PCSK5: variants seen among roughly 807,000 people sequenced by gnomAD.
The protein encoded by PCSK5 is proprotein convertase subtilisin/kexin type 5, also known as prohormone convertase 5.
Under a neutral mutation model 233.2 loss-of-function variants are expected in PCSK5, and 129 were observed. That is an observed-to-expected ratio of 0.55 (90% CI 0.48 to 0.64). PCSK5 has a LOEUF of 0.64. Among genes scored for constraint, PCSK5 ranks in the 30% least tolerant of loss-of-function variants. PCSK5 has a pLI of 0.00. For missense variants in PCSK5, 2,076 were observed against 2,430.1 expected, an observed-to-expected ratio of 0.85 and a Z score of 3.06; for synonymous variants, 825 against 879.2, an observed-to-expected ratio of 0.94 and a Z score of 1.09.
At chr9:76,027,205 G>A (rs1299893149) in intron 5 of PCSK5, among the ~76,000 whole-genome samples, 168 bp downstream of exon 5, 1 of 152,080 alleles carries the variant, frequency 6.6e-6, no homozygotes, top group Admixed American at 6.6e-5. Context: ...GAAAAAAGGG[G>A]TGGTCCATAT....
intron 6 of PCSK5, 69 bp downstream of exon 6, chr9:76,068,112 A>G (rs150228355): frequency 9.2e-7 from 1 of 1,090,774 alleles, no homozygotes; most frequent in East Asian, 2.4e-5. Context: ...GGCTTTCAGA[A>G]TCCTTTTTAA....
chr9:76,135,238 A>G (rs1376668859), intron 10 of PCSK5, among the ~76,000 whole-genome samples: 2 of 152,080 alleles, frequency 1.3e-5, no homozygotes, highest in Non-Finnish European at 2.9e-5. Context: ...TATGATCTTT[A>G]TATATCCTTA....
At chr9:76,192,980 A>T (rs1422243338) in intron 20 of PCSK5, among the ~76,000 whole-genome samples, 2 of 84,872 alleles carry the variant, frequency 2.4e-5, no homozygotes, top group African/African-American at 4.6e-5. Flanking sequence ...TTCTTTTTCT[A>T]ATCTTTTTTT....
At chr9:75,976,271 A>G (rs1375394628) in intron 2 of PCSK5, among the ~76,000 whole-genome samples, 1 of 125,782 alleles carries the variant, frequency 8.0e-6, no homozygotes, top group Non-Finnish European at 1.6e-5. Flanking sequence ...ATACACACAG[A>G]CACCACACAC....
rs970162393 is a variant in PCSK5, at chr9:75,892,758, C to CG, written c.192+1389dup. 7.2e-5 allele frequency among the ~76,000 whole-genome samples: 11 copies of CG among 152,138 alleles called. No homozygotes were observed. The East Asian group carries it at 1.2e-3, about 16-fold the overall frequency. On this transcript the variant is annotated intron_variant, in intron 1 of 37. Transcript: ENST00000674117. ...CGCGTTTAGAAGGAGCTGGGGAGTG[C>CG]GGGGAGTGTTCAGAGGAGCAAGAGC...
intron 10 of PCSK5, among the ~76,000 whole-genome samples, chr9:76,140,054 G>A (rs1223149559): frequency 1.3e-5 from 2 of 152,040 alleles, no homozygotes; most frequent in African/African-American, 4.8e-5. Flanking sequence ...TTTTCTCTGT[G>A]CCTGTCCTTG....
intron 24 of PCSK5, among the ~76,000 whole-genome samples, chr9:76,252,163 G>A (rs959632171): frequency 6.6e-6 from 1 of 152,150 alleles, no homozygotes; most frequent in African/African-American, 2.4e-5. Context: ...AGCTACTCGG[G>A]AGGCTGAGTC....
chr9:76,352,459 G>A (rs904016188), intron 36 of PCSK5, among the ~76,000 whole-genome samples: 14 of 152,114 alleles, frequency 9.2e-5, no homozygotes, highest in Non-Finnish European at 1.5e-4. Context: ...GTAAGTTTCA[G>A]CCTTATTTTA....
At chr9:76,195,467 T>G (rs552816448) in intron 20 of PCSK5, 1 of 152,214 alleles carries the variant, frequency 6.6e-6, no homozygotes, top group Non-Finnish European at 1.5e-5. Context: ...CCACTGACCA[T>G]GCAGGTGCAC....
intron 2 of PCSK5, among the ~76,000 whole-genome samples, chr9:75,939,671 A>G (rs1412467322): frequency 6.6e-6 from 1 of 152,226 alleles, no homozygotes; most frequent in Non-Finnish European, 1.5e-5. Flanking sequence ...TGACTTTTAA[A>G]AATAAAAACC....
intron 3 of PCSK5, among the ~76,000 whole-genome samples, chr9:76,009,099 G>A (rs1305661610): frequency 3.9e-5 from 6 of 152,048 alleles, no homozygotes; most frequent in East Asian, 3.9e-4. Context: ...TTCATAGTCC[G>A]TGTGGTACCT....
At chr9:76,223,374 T>C (rs570891067) in intron 20 of PCSK5, among the ~76,000 whole-genome samples, 4 of 152,242 alleles carry the variant, frequency 2.6e-5, no homozygotes, top group Non-Finnish European at 5.9e-5. Context: ...GTTGTAACTT[T>C]GGATGCTATG....
Position 76,181,580 on chromosome 9 carries a change from A to G in PCSK5, c.2186A>G (p.Tyr729Cys), listed in dbSNP as rs1170561179. The G allele has an allele frequency of 1.2e-6, 2 of 1,611,090 alleles. No homozygotes were observed. The highest frequency in any genetic ancestry group is 1.7e-5 in the Admixed American group (1 of 59,838). The change falls in exon 16 of 38, where the codon TAT becomes TGT. Residue 729 changes from tyrosine (Y) to cysteine (C), a missense_variant. By Grantham distance (194) the Tyr-to-Cys change is radical. Around this residue, in one of 6 missense-constraint regions of PCSK5, gnomAD observed 1,510 missense variants for 1,538.1 expected, o/e 0.98. Transcript: ENST00000674117. The part of the protein sequence containing the change: ...SCVTHCPDGS[Y>C]QDTKKNLCRK... ...GTTACTCACTGCCCTGATGGGTCAT[A>G]TCAGGATACCAGTAAGCTCACTTCA... is the stretch of plus-strand genomic sequence containing the variant.
At chr9:76,149,452 CA>C (rs1321746038) in intron 10 of PCSK5, among the ~76,000 whole-genome samples, 3 of 152,156 alleles carry the variant, frequency 2.0e-5, no homozygotes, top group African/African-American at 7.2e-5. Flanking sequence ...AAGGGAAAAG[CA>C]AAGCAAAACT....
At chr9:76,214,409 TCTA>T (rs1825447694) in intron 20 of PCSK5, among the ~76,000 whole-genome samples, 1 of 152,100 alleles carries the variant, frequency 6.6e-6, no homozygotes, top group African/African-American at 2.4e-5. Context: ...AAATCTCATC[TCTA>T]CTACTTTCTT....
chr9:76,188,585 G>A lies in PCSK5; in HGVS notation c.2290G>A (p.Gly764Arg), dbSNP rs1368051035. ...CCTTTATACTTCTTCCAGCCTGCAGGGATCCCGGTGCTCTGTCTCCTGTGA... is the reference window on the plus strand; with the variant it reads ...CCTTTATACTTCTTCCAGCCTGCAGAGATCCCGGTGCTCTGTCTCCTGTGA... ...TECRDGLSLQ[G>R]SRCSVSCEDG... is the part of the protein sequence containing the mutation. Residue 764 changes from glycine (G) to arginine (R), a missense_variant, in exon 18 of 38, where the codon GGA becomes AGA. By Grantham distance (125) the Gly-to-Arg change is moderately radical. Transcript: ENST00000674117. 2 of 1,612,290 alleles carry A rather than the reference G, an allele frequency of 1.2e-6. No homozygotes were observed. Among genetic ancestry groups the A allele is most frequent in the East Asian group, 2.2e-5 (1 of 44,846 alleles).
intron 5 of PCSK5, among the ~76,000 whole-genome samples, chr9:76,032,230 A>G (rs774399283): frequency 6.6e-6 from 1 of 152,190 alleles, no homozygotes; most frequent in Admixed American, 6.5e-5. Flanking sequence ...CATATTTGGA[A>G]TTATGTCATA....
chr9:76,235,502 T>G (rs1488486628), intron 22 of PCSK5, among the ~76,000 whole-genome samples: 1 of 152,204 alleles, frequency 6.6e-6, no homozygotes, highest in Non-Finnish European at 1.5e-5. Flanking sequence ...TATTTGAAAT[T>G]GTGTTTAATC....
chr9:75,945,057 C>G (rs989750421), intron 2 of PCSK5, among the ~76,000 whole-genome samples: 1 of 150,720 alleles, frequency 6.6e-6, no homozygotes, highest in Admixed American at 6.6e-5. Flanking sequence ...TGTGGTGAGC[C>G]GAGATCACAC....
Sources: allele counts gnomAD v4.1 joint callset (sites outside exome capture counted in the v4.1 genomes callset), GRCh38; gene constraint gnomAD v4.1.1; regional missense constraint gnomAD v4.1.1; transcripts MANE v1.5; gene names NCBI Gene and HGNC (gene_info 2026-07-23, HGNC 2026-07-21).